KCNB2: variants seen among roughly 807,000 people sequenced by gnomAD.
KCNB2 encodes delayed rectifier potassium channel protein.
KCNB2 carries 15 observed loss-of-function variants against 61.5 expected under a neutral mutation model. That is an observed-to-expected ratio of 0.24 (90% CI 0.16 to 0.38). The LOEUF is 0.38. KCNB2 is among the 10% of genes least tolerant of loss of function. The pLI, the probability that KCNB2 is intolerant of heterozygous loss-of-function variation, is 1.00. For missense variants in KCNB2, 828 were observed against 1,125.2 expected, an observed-to-expected ratio of 0.74 and a Z score of 3.78; for synonymous variants, 457 against 446.0, an observed-to-expected ratio of 1.02 and a Z score of -0.31.
chr8:72,831,971 C>T (rs1371281666), intron 2 of KCNB2, among the ~76,000 whole-genome samples: 1 of 152,198 alleles, frequency 6.6e-6, no homozygotes, highest in South Asian at 2.1e-4. Context: ...GATTTTGAAA[C>T]TATCTTCTAG....
chr8:72,608,139 G>A (rs13272432), intron 2 of KCNB2, among the ~76,000 whole-genome samples: 56,983 of 151,988 alleles, frequency 0.37, 13,085 homozygotes, highest in Non-Finnish European at 0.51. Flanking sequence ...GAGACTTCTG[G>A]GTGGCTCCTC....
At chr8:72,673,995 T>C (rs572416583) in intron 2 of KCNB2, among the ~76,000 whole-genome samples, 55 of 152,356 alleles carry the variant, frequency 3.6e-4, no homozygotes, top group Non-Finnish European at 6.6e-4. Flanking sequence ...GAGAAAAAAC[T>C]ATGAATTAGT....
chr8:72,542,703 A>G (rs1806207773), intron 1 of KCNB2, among the ~76,000 whole-genome samples: 1 of 152,150 alleles, frequency 6.6e-6, no homozygotes, highest in Non-Finnish European at 1.5e-5. Context: ...TTTGTACACA[A>G]GTAACTGACA....
chr8:72,883,955 A>G (rs4439172), intron 2 of KCNB2, among the ~76,000 whole-genome samples: 138,473 of 152,228 alleles, frequency 0.91, 63,773 homozygotes, highest in African/African-American at 0.98. Flanking sequence ...GTGGAATTGC[A>G]AATCACAATT....
intron 2 of KCNB2, among the ~76,000 whole-genome samples, chr8:72,754,543 C>G (rs1038955146): frequency 6.6e-6 from 1 of 152,138 alleles, no homozygotes; most frequent in African/African-American, 2.4e-5. Flanking sequence ...TCTTGCTTAG[C>G]CCTGAATGTA....
At chr8:72,772,425 G>A (rs573433204) in intron 2 of KCNB2, among the ~76,000 whole-genome samples, 12 of 152,206 alleles carry the variant, frequency 7.9e-5, no homozygotes, top group South Asian at 2.1e-4. Flanking sequence ...ATCCTCTGGC[G>A]GGCAAAATTT....
chr8:72,887,078 A>G (rs900358755), intron 2 of KCNB2, among the ~76,000 whole-genome samples: 4 of 152,184 alleles, frequency 2.6e-5, no homozygotes, highest in South Asian at 2.1e-4. Flanking sequence ...AATTAAGGAC[A>G]CCTTAAGCCA....
At chr8:72,594,345 C>T (rs147295002) in intron 2 of KCNB2, among the ~76,000 whole-genome samples, 2 of 152,126 alleles carry the variant, frequency 1.3e-5, no homozygotes, top group Non-Finnish European at 2.9e-5. Flanking sequence ...TGGTCCACCC[C>T]CTTCTCTGGT....
chr8:72,728,671 AT>A (rs1248795441), intron 2 of KCNB2, among the ~76,000 whole-genome samples: 1 of 152,190 alleles, frequency 6.6e-6, no homozygotes, highest in African/African-American at 2.4e-5. Flanking sequence ...CTGCACCTAA[AT>A]TAATAATTAA....
chr8:72,679,184 A>G (rs1238770973), intron 2 of KCNB2, among the ~76,000 whole-genome samples: 2 of 152,196 alleles, frequency 1.3e-5, no homozygotes, highest in African/African-American at 4.8e-5. Context: ...AAAATGTGAT[A>G]GCTAAAACAT....
chr8:72,540,192 C>A lies in KCNB2; in HGVS notation c.-94+2307C>A, dbSNP rs1224357406. Among the ~76,000 whole-genome samples, 5 of 152,084 alleles carry A rather than the reference C, an allele frequency of 3.3e-5. No individual in the cohort carries two copies. In the East Asian group the frequency reaches 9.6e-4, roughly 29 times the overall value. ...TCTAGGAAACCTATAAGATATATTT[C>A]ATTCTGCCCTAATGCATTTTTTTCT... On this transcript the variant is annotated intron_variant, in intron 1 of 2. Transcript: ENST00000523207.
chr8:72,746,911 A>G (rs1405574394), intron 2 of KCNB2, among the ~76,000 whole-genome samples: 1 of 152,154 alleles, frequency 6.6e-6, no homozygotes, highest in Non-Finnish European at 1.5e-5. Flanking sequence ...ACCCCTTCTC[A>G]CTATTCCAGT....
chr8:72,896,361 CT>C (rs2129006271), intron 2 of KCNB2, among the ~76,000 whole-genome samples: 1 of 152,234 alleles, frequency 6.6e-6, no homozygotes, highest in South Asian at 2.1e-4. Context: ...CAACATGTAC[CT>C]TTCACCTTTG....
Position 72,790,917 on chromosome 8 carries a change from A to G in KCNB2, c.580-145018A>G, listed in dbSNP as rs559889757. On this transcript the variant is annotated intron_variant, in intron 2 of 2. Coordinates refer to ENST00000523207, the MANE Select transcript of KCNB2 (RefSeq NM_004770.3). ...TTTCTCTGTTGGTTTTCATTCAAACATATTCTAAATCTGTTAATGTTATTT... is the reference window on the plus strand; with the variant it reads ...TTTCTCTGTTGGTTTTCATTCAAACGTATTCTAAATCTGTTAATGTTATTT... Among the ~76,000 whole-genome samples, 14 of 152,320 alleles carry G rather than the reference A, an allele frequency of 9.2e-5. No individual in the cohort carries two copies. The East Asian group carries it at 1.7e-3, about 19-fold the overall frequency.
chr8:72,851,133 A>G (rs1810097327), intron 2 of KCNB2, among the ~76,000 whole-genome samples: 1 of 9,586 alleles, frequency 1.0e-4, no homozygotes, highest in Non-Finnish European at 4.0e-4. Flanking sequence ...GATTATGATC[A>G]AACTGGCTCT....
Position 72,937,922 on chromosome 8 carries a change from C to A in KCNB2, c.2567C>A (p.Pro856Gln), listed in dbSNP as rs138896608. The change falls in exon 3 of 3, where the codon CCG becomes CAG. Residue 856 changes from proline (P) to glutamine (Q), a missense_variant. Physicochemically the swap from Pro to Gln is moderately conservative, Grantham distance 76. This residue lies in a region of KCNB2 where 559 missense variants were observed against 588.4 expected (regional missense o/e 0.95). Transcript: ENST00000523207. ...GAGGGCAGTGTGGGCTCTTCCTCCCCGCAGGACACAGGTCACAACTGTAGG... is the reference window on the plus strand; with the variant it reads ...GAGGGCAGTGTGGGCTCTTCCTCCCAGCAGGACACAGGTCACAACTGTAGG... ...REEGSVGSSSPQDTGHNCRQD... is the reference protein window; with the variant it reads ...REEGSVGSSSQQDTGHNCRQD... 1 of 1,613,918 alleles carries A rather than the reference C, an allele frequency of 6.2e-7. No homozygotes were observed. Among genetic ancestry groups the A allele is most frequent in the South Asian group, 1.1e-5 (1 of 91,078 alleles).
intron 2 of KCNB2, among the ~76,000 whole-genome samples, chr8:72,846,168 A>G (rs948499926): frequency 6.6e-6 from 1 of 152,142 alleles, no homozygotes; most frequent in Non-Finnish European, 1.5e-5. Flanking sequence ...CTCACGTCAC[A>G]GTCCCTCACA....
chr8:72,573,010 T>C (rs1210957670), intron 2 of KCNB2, among the ~76,000 whole-genome samples: 1 of 152,146 alleles, frequency 6.6e-6, no homozygotes, highest in Non-Finnish European at 1.5e-5. Context: ...GGGCAGTCTG[T>C]GCTTGGAAAT....
chr8:72,577,364 C>T (rs1424319191), intron 2 of KCNB2, among the ~76,000 whole-genome samples: 1 of 151,936 alleles, frequency 6.6e-6, no homozygotes, highest in Non-Finnish European at 1.5e-5. Flanking sequence ...TATATACTAC[C>T]ACCTCTTCAT....
Sources: gnomAD v4.1 joint callset for allele counts (sites outside exome capture counted in the v4.1 genomes callset) on GRCh38, gnomAD v4.1.1 for gene constraint, gnomAD v4.1.1 regional missense constraint, MANE v1.5 for transcripts, NCBI Gene and HGNC (gene_info 2026-07-23, HGNC 2026-07-21) for gene names.